B4GALT3: variants seen among roughly 807,000 people sequenced by gnomAD.
B4GALT3 encodes the protein beta-1,4-galactosyltransferase 3.
In B4GALT3, 29 loss-of-function variants were observed where a neutral mutation model predicts 40.7. The ratio of observed to expected loss-of-function variants is 0.71; its 90% confidence interval spans 0.53 to 0.97. The LOEUF is 0.97. Among genes scored for constraint, B4GALT3 ranks in the 50% least tolerant of loss-of-function variants. B4GALT3 has a pLI of 0.00. For synonymous variants in B4GALT3, 182 were observed against 203.9 expected (o/e 0.89, Z 0.92); for missense variants, 390 against 522.3 (o/e 0.75, Z 2.47).
rs1661360573 is a variant in B4GALT3 at position 161,171,321 on chromosome 1, G to A, written c.*495C>T. On this transcript the variant is annotated 3_prime_UTR_variant, in exon 8 of 8. Transcript: ENST00000319769. ...AAAGCAGGAGCAGATGCGAGACAAA[G>A]TCCTTTATTAGAAAATATATCAAAA... 3 of 1,347,106 alleles carry A rather than the reference G, an allele frequency of 2.2e-6. No homozygotes were observed. Among genetic ancestry groups the A allele is most frequent in the Admixed American group, 1.9e-5 (1 of 52,790 alleles). The allele number at this position is 1,347,106 out of a possible 1,614,324, so 83.4% of individuals were successfully genotyped here. A position where few individuals can be genotyped will look rare whatever the true frequency, so the allele number is the denominator to read the frequency against.
At position 161,175,791 on chromosome 1, in the gene B4GALT3, C is replaced by T; in HGVS notation, c.253+17G>A. 1 of 1,609,900 alleles carries T rather than the reference C, an allele frequency of 6.2e-7. No homozygotes were observed. The highest frequency in any genetic ancestry group is 8.5e-7 in the Non-Finnish European group (1 of 1,176,678). On this transcript the variant is annotated intron_variant, in intron 3 of 7. Coordinates refer to ENST00000319769, the MANE Select transcript of B4GALT3 (RefSeq NM_003779.4). ...ACCTTGTCCTTCCTTTCACCACCTCCTTCCTCCTGCACTTACCTAAGAGAG... is the reference window on the plus strand; with the variant it reads ...ACCTTGTCCTTCCTTTCACCACCTCTTTCCTCCTGCACTTACCTAAGAGAG...
Position 161,175,172 on chromosome 1 carries a change from G to GC in B4GALT3, c.309dup (p.Arg104AlafsTer17). 3 of 1,613,646 alleles carry GC rather than the reference G, an allele frequency of 1.9e-6. No homozygotes were observed. Among genetic ancestry groups the GC allele is most frequent in the Non-Finnish European group, 2.5e-6 (3 of 1,179,866 alleles). On this transcript the variant is annotated frameshift_variant, in exon 4 of 8. Transcript: ENST00000319769. LOFTEE classifies it high-confidence loss of function. The stretch of plus-strand genomic sequence containing the variant: ...CCCCCTGGTTCTACCCGGGGATTCC[G>GC]CTCCACAATCTCTGCCAGTGATGGC...
rs898410918 is a variant in B4GALT3, at chr1:161,171,696, CT to C, written c.*119del. On this transcript the variant is annotated 3_prime_UTR_variant, in exon 8 of 8. Transcript: ENST00000319769. ...GCAGTGAGGGAGAGGCCCCTACCCC[CT>C]AGCACGGCACCAGAGTTCAGTTCCC... is the stretch of plus-strand genomic sequence containing the variant. 9 of 1,418,482 alleles carry C rather than the reference CT, an allele frequency of 6.3e-6. No homozygotes were observed. The highest frequency in any genetic ancestry group is 8.6e-6 in the Non-Finnish European group (9 of 1,043,928). 87.9% of individuals were successfully genotyped at this position (1,418,482 alleles called of 1,614,324 possible).
Position 161,171,765 on chromosome 1 carries a change from A to C in B4GALT3, c.*51T>G. On this transcript the variant is annotated 3_prime_UTR_variant, in exon 8 of 8. Transcript: ENST00000319769. ...CAGTGAGGAGCTGAGGGTGGGGAGAATACAACCCCATGAATTCGGTTTCAT... is the reference window on the plus strand; with the variant it reads ...CAGTGAGGAGCTGAGGGTGGGGAGACTACAACCCCATGAATTCGGTTTCAT... 1.9e-6 allele frequency: 3 copies of C among 1,598,898 alleles called. No individual in the cohort carries two copies. In the South Asian group the frequency reaches 3.3e-5, roughly 18 times the overall value.
At chr1:161,176,905 G>A (rs917749400) in intron 1 of B4GALT3, 6 of 1,536,154 alleles carry the variant, frequency 3.9e-6, no homozygotes, top group South Asian at 1.2e-5. Context: ...AGTGGCCTAA[G>A]GAGTACCCAG....
At chr1:161,175,746 C>T (rs930818255) in intron 3 of B4GALT3, 62 bp downstream of exon 3, 2 of 1,587,530 alleles carry the variant, frequency 1.3e-6, no homozygotes, top group African/African-American at 1.3e-5. Flanking sequence ...CTCCCTATCC[C>T]CAAGCCTCCC....
chr1:161,172,821 A>G (rs1661946620), intron 6 of B4GALT3, among the ~76,000 whole-genome samples: 2 of 150,214 alleles, frequency 1.3e-5, no homozygotes, highest in African/African-American at 4.9e-5. Flanking sequence ...TGAGGCCAGG[A>G]GTTCAAGACC....
chr1:161,172,235 A>G lies in B4GALT3; in HGVS notation c.900T>C (p.Asn300=), dbSNP rs755458341. The change falls in exon 7 of 8, where the codon AAT becomes AAC. Residue 300 remains asparagine (N), a synonymous_variant. Transcript: ENST00000319769. ...KHRGDKGNEE[N]PHRFDLLVRT... is the part of the protein sequence containing the mutation. ...TCCTTCCTTCTTCCTACCTGTGGGG[A>G]TTTTCCTCATTGCCCTTATCTCCTC... 2 of 1,613,944 alleles carry G rather than the reference A, an allele frequency of 1.2e-6. No individual in the cohort carries two copies. The highest frequency in any genetic ancestry group is 2.2e-5 in the South Asian group (2 of 91,056).
chr1:161,176,894 G>C, intron 1 of B4GALT3: 3 of 1,536,238 alleles, frequency 2.0e-6, no homozygotes, highest in Non-Finnish European at 2.6e-6. Flanking sequence ...CAGGACCGTG[G>C]AGTGGCCTAA....
intron 6 of B4GALT3, among the ~76,000 whole-genome samples, chr1:161,172,985 G>T (rs1662043714): frequency 1.3e-5 from 2 of 152,136 alleles, no homozygotes; most frequent in Admixed American, 6.5e-5. Flanking sequence ...AGATGGCCTG[G>T]GAAGGAACTA....
At chr1:161,172,730 T>C (rs1012868280) in intron 6 of B4GALT3, among the ~76,000 whole-genome samples, 7 of 151,866 alleles carry the variant, frequency 4.6e-5, no homozygotes, top group African/African-American at 7.3e-5. Flanking sequence ...ACATCCCCCA[T>C]GTTAAGAAAA....
rs117887764 is a variant in B4GALT3 at position 161,173,741 on chromosome 1, G to T, written c.681-14C>A. ...GGGTACGGGAGGCTAGGGAGAGAAA[G>T]ATCCTTGCATACCCCGAGTCTTCTG... On this transcript the variant is annotated splice_polypyrimidine_tract_variant and intron_variant, in intron 5 of 7. Transcript: ENST00000319769. 6.2e-7 allele frequency: 1 copy of T among 1,614,072 alleles called. No homozygotes were observed. Among genetic ancestry groups the T allele is most frequent in the East Asian group, 2.2e-5 (1 of 44,884 alleles).
In B4GALT3 at chr1:161,175,375, A is replaced by T. The variant is rs1016599166; in HGVS notation, c.254-147T>A. 4.1e-6 allele frequency: 3 copies of T among 731,654 alleles called. No individual in the cohort carries two copies. In the African/African-American group the frequency reaches 5.4e-5, roughly 13 times the overall value. The allele number at this position is 731,654 out of a possible 1,614,324, so 45.3% of individuals were successfully genotyped here. ...TCAGAAATCTCGCATGCCTTGGATTACCTATCACTGGGACAGCTCTACAAA... is the reference window on the plus strand; with the variant it reads ...TCAGAAATCTCGCATGCCTTGGATTTCCTATCACTGGGACAGCTCTACAAA... On this transcript the variant is annotated intron_variant, in intron 3 of 7. Coordinates refer to ENST00000319769, the MANE Select transcript of B4GALT3 (RefSeq NM_003779.4).
At chr1:161,173,133 T>C (rs1260497323) in intron 6 of B4GALT3, among the ~76,000 whole-genome samples, 7 of 152,218 alleles carry the variant, frequency 4.6e-5, no homozygotes, top group Non-Finnish European at 1.5e-5. Context: ...CAAATATTCA[T>C]ACCACAGACA....
At chr1:161,176,604 A>G (rs1345904665) in intron 1 of B4GALT3, 25 bp from the exon 2 acceptor site, 4 of 546,486 alleles carry the variant, frequency 7.3e-6, no homozygotes, top group African/African-American at 5.7e-5. Flanking sequence ...GTAAAGGATA[A>G]CTAGCTACCT....
At position 161,176,771 on chromosome 1, in the gene B4GALT3, AC is replaced by A. The variant is rs1193449221; in HGVS notation, c.-160-193del. On this transcript the variant is annotated intron_variant, in intron 1 of 7. Transcript: ENST00000319769. ...ATAAGTGTCAGGTTCATACTTAACC[AC>A]CCCCGTACCCCCACCCCAACAGGAC... The A allele has an allele frequency of 3.1e-6, 4 of 1,270,586 alleles. No homozygotes were observed. In the Admixed American group the frequency reaches 8.2e-5, roughly 26 times the overall value. The allele number at this position is 1,270,586 out of a possible 1,614,324, so 78.7% of individuals were successfully genotyped here.
In B4GALT3 at chr1:161,171,316, A is replaced by G. The variant is rs1159251702; in HGVS notation, c.*500T>C. On this transcript the variant is annotated 3_prime_UTR_variant, in exon 8 of 8. Transcript: ENST00000319769. ...TGCAGAAAGCAGGAGCAGATGCGAG[A>G]CAAAGTCCTTTATTAGAAAATATAT... 2.2e-6 allele frequency: 3 copies of G among 1,384,552 alleles called. No individual in the cohort carries two copies. The highest frequency in any genetic ancestry group is 3.0e-6 in the Non-Finnish European group (3 of 995,854). The allele number at this position is 1,384,552 out of a possible 1,614,324, so 85.8% of individuals were successfully genotyped here.
chr1:161,172,961 G>A (rs745977203), intron 6 of B4GALT3, among the ~76,000 whole-genome samples: 1 of 151,952 alleles, frequency 6.6e-6, no homozygotes, highest in Admixed American at 6.6e-5. Context: ...CTGACACACA[G>A]AAGCATGGAG....
chr1:161,177,192 G>A, intron 1 of B4GALT3: 1 of 952,104 alleles, frequency 1.1e-6, no homozygotes, highest in Non-Finnish European at 1.5e-6. Flanking sequence ...GGTCCGCGCT[G>A]TGGAGGGGGT....
Sources: gnomAD v4.1 joint callset for allele counts (sites outside exome capture counted in the v4.1 genomes callset) on GRCh38, gnomAD v4.1.1 for gene constraint, MANE v1.5 for transcripts, NCBI Gene and HGNC (gene_info 2026-07-23, HGNC 2026-07-21) for gene names.